Variants in CADPS2 observed in about 807,000 individuals in gnomAD.
The protein encoded by CADPS2 is calcium dependent secretion activator 2, also known as calcium-dependent secretion activator 2.
A neutral mutation model predicts 172.5 loss-of-function variants in CADPS2; 93 were observed. That is an observed-to-expected ratio of 0.54 (90% confidence interval 0.46 to 0.64). The LOEUF (loss-of-function observed/expected upper bound fraction) is 0.64. CADPS2 is among the 30% of genes least tolerant of loss of function. The pLI is 0.00. For synonymous variants in CADPS2, 546 were observed against 555.2 expected (o/e 0.98, Z 0.23); for missense variants, 1,420 against 1,565.9 (o/e 0.91, Z 1.57).
chr7:122,369,162 C>T (rs1287944053), intron 25 of CADPS2, among the ~76,000 whole-genome samples: 7 of 71,386 alleles, frequency 9.8e-5, no homozygotes, highest in South Asian at 9.7e-4. Flanking sequence ...TTTTGAGTCT[C>T]GCTCTGTCGC....
At chr7:122,661,899 G>A (rs187288734) in intron 3 of CADPS2, among the ~76,000 whole-genome samples, 1 of 152,114 alleles carries the variant, frequency 6.6e-6, no homozygotes, top group African/African-American at 2.4e-5. Flanking sequence ...CAAAGTTCCA[G>A]TTGAAGTTAT....
Position 122,490,229 on chromosome 7 carries a change from T to G in CADPS2, c.1704A>C (p.Val568=), listed in dbSNP as rs769263805. The change falls in exon 11 of 30, where the codon GTA becomes GTC. Residue 568 remains valine, a synonymous_variant. Coordinates refer to ENST00000449022, the MANE Select transcript of CADPS2 (RefSeq NM_017954.11). ...CCTGTTCATCATCACTGGCAAAGAT[T>G]ACAGTATCTCCTTCTTTAACAGCAT... ...FFNAVKEGDT[V]IFASDDEQDR... 5 of 1,613,314 alleles carry G rather than the reference T, an allele frequency of 3.1e-6. No homozygotes were observed. The South Asian group carries it at 4.4e-5, about 14-fold the overall frequency.
At chr7:122,845,391 G>A (rs534464174) in intron 1 of CADPS2, among the ~76,000 whole-genome samples, 18 of 152,156 alleles carry the variant, frequency 1.2e-4, no homozygotes, top group Non-Finnish European at 1.9e-4. Flanking sequence ...AACCACAAGC[G>A]TGGCACTGCC....
At chr7:122,690,766 AG>A (rs1170098027) in intron 2 of CADPS2, among the ~76,000 whole-genome samples, 1 of 152,200 alleles carries the variant, frequency 6.6e-6, no homozygotes, top group African/African-American at 2.4e-5. Context: ...AGATTACTGT[AG>A]GTGTCACCTT....
intron 8 of CADPS2, among the ~76,000 whole-genome samples, chr7:122,540,773 T>C (rs1238805286): frequency 6.6e-6 from 1 of 152,140 alleles, no homozygotes; most frequent in Non-Finnish European, 1.5e-5. Flanking sequence ...CCTTGTCTAG[T>C]AATTTTTCAT....
intron 1 of CADPS2, among the ~76,000 whole-genome samples, chr7:122,860,912 C>A (rs1053525170): frequency 5.3e-5 from 8 of 152,122 alleles, no homozygotes; most frequent in Non-Finnish European, 1.0e-4. Flanking sequence ...GACAGAATTT[C>A]ATTCTTTTTA....
At chr7:122,436,467 G>A in intron 17 of CADPS2, 1 of 644,402 alleles carries the variant, frequency 1.6e-6, no homozygotes, top group Non-Finnish European at 2.3e-6. Flanking sequence ...TCTAACTTAA[G>A]TTTGATTTGG....
chr7:122,769,296 G>A (rs1239246664), intron 1 of CADPS2, among the ~76,000 whole-genome samples: 1 of 152,166 alleles, frequency 6.6e-6, no homozygotes, highest in East Asian at 1.9e-4. Context: ...CAACATTTCT[G>A]TTCACTCCAA....
intron 8 of CADPS2, among the ~76,000 whole-genome samples, chr7:122,517,037 C>A (rs1468106235): frequency 6.6e-6 from 1 of 152,122 alleles, no homozygotes; most frequent in African/African-American, 2.4e-5. Context: ...TCCCTTATGC[C>A]CTTTATGATC....
At chr7:122,727,848 G>A (rs545744987) in intron 2 of CADPS2, among the ~76,000 whole-genome samples, 1 of 151,964 alleles carries the variant, frequency 6.6e-6, no homozygotes, top group South Asian at 2.1e-4. Flanking sequence ...TAGAATATAA[G>A]AAAATATGAA....
intron 3 of CADPS2, among the ~76,000 whole-genome samples, chr7:122,633,170 C>T (rs1310405319): frequency 2.0e-5 from 3 of 151,744 alleles, no homozygotes; most frequent in African/African-American, 7.3e-5. Context: ...GATAGTTTTG[C>T]CTATTTGGGC....
At chr7:122,379,481 A>G (rs751545930) in intron 24 of CADPS2, 39 bp from the exon 25 acceptor site, 1 of 1,355,540 alleles carries the variant, frequency 7.4e-7, no homozygotes, top group East Asian at 2.3e-5. Context: ...GTTGACATGG[A>G]CACAAAACTT....
At chr7:122,698,304 G>A in intron 2 of CADPS2, 1 of 1,614,032 alleles carries the variant, frequency 6.2e-7, no homozygotes, top group Non-Finnish European at 8.5e-7. Context: ...GATAAAAGAT[G>A]AAATATGCTA....
At chr7:122,673,170 A>G (rs999979649) in intron 2 of CADPS2, among the ~76,000 whole-genome samples, 2 of 152,244 alleles carry the variant, frequency 1.3e-5, no homozygotes, top group African/African-American at 2.4e-5. Flanking sequence ...GTGCGGACCC[A>G]AAGAGTGAAC....
At chr7:122,816,744 C>A (rs1289550404) in intron 1 of CADPS2, among the ~76,000 whole-genome samples, 1 of 152,132 alleles carries the variant, frequency 6.6e-6, no homozygotes, top group Non-Finnish European at 1.5e-5. Flanking sequence ...GGCCTCTGAG[C>A]CCAAGCCAAG....
At chr7:122,656,401 C>A (rs2079797834) in intron 3 of CADPS2, among the ~76,000 whole-genome samples, 1 of 152,026 alleles carries the variant, frequency 6.6e-6, no homozygotes, top group Non-Finnish European at 1.5e-5. Flanking sequence ...CCACTCCAGC[C>A]CTCTTGACTC....
intron 2 of CADPS2, among the ~76,000 whole-genome samples, chr7:122,692,771 G>A (rs1182696759): frequency 3.3e-5 from 5 of 152,352 alleles, no homozygotes; most frequent in South Asian, 2.1e-4. Context: ...ACTCGGGGCC[G>A]TAAGCAGGTG....
chr7:122,788,241 G>A (rs1196606466), intron 1 of CADPS2, among the ~76,000 whole-genome samples: 9 of 152,272 alleles, frequency 5.9e-5, no homozygotes, highest in Middle Eastern at 3.4e-3. Context: ...GAAACTTTGT[G>A]CTCTAAAATC....
At chr7:122,783,084 C>T (rs553319057) in intron 1 of CADPS2, among the ~76,000 whole-genome samples, 47 of 150,798 alleles carry the variant, frequency 3.1e-4, no homozygotes, top group African/African-American at 7.3e-4. Context: ...TGGTGGTGGG[C>T]GGGCGCCTGT....
Sources: gnomAD v4.1 joint callset for allele counts (sites outside exome capture counted in the v4.1 genomes callset) on GRCh38, gnomAD v4.1.1 for gene constraint, MANE v1.5 for transcripts, NCBI Gene and HGNC (gene_info 2026-07-23, HGNC 2026-07-21) for gene names.